VPS35L: variants seen among roughly 807,000 people sequenced by gnomAD.
VPS35L encodes the protein VPS35 endosomal protein-sorting factor-like.
VPS35L carries 83 observed loss-of-function variants against 133.0 expected under a neutral mutation model. That is an observed-to-expected ratio of 0.62 (90% CI 0.52 to 0.75). The LOEUF is 0.75. Ranked by LOEUF, VPS35L falls within the 30% of genes least tolerant of loss-of-function variation. The pLI is 0.00. For synonymous variants in VPS35L, 423 were observed against 449.9 expected (o/e 0.94, Z 0.76); for missense variants, 1,083 against 1,206.8 (o/e 0.90, Z 1.52).
At chr16:19,611,431 C>G (rs1021253649) in intron 12 of VPS35L, among the ~76,000 whole-genome samples, 2 of 152,194 alleles carry the variant, frequency 1.3e-5, no homozygotes, top group African/African-American at 4.8e-5. Flanking sequence ...ATCATTGCAC[C>G]TGATAAGCCC....
At chr16:19,634,833 T>C (rs984532177) in intron 19 of VPS35L, among the ~76,000 whole-genome samples, 1 of 152,070 alleles carries the variant, frequency 6.6e-6, no homozygotes, top group Non-Finnish European at 1.5e-5. Context: ...CAGGTATCAA[T>C]TGCAATGAGG....
chr16:19,666,884 C>CTTTCTTTCTT (rs1974684620), intron 26 of VPS35L, among the ~76,000 whole-genome samples: 1 of 109,734 alleles, frequency 9.1e-6, no homozygotes, highest in Non-Finnish European at 1.9e-5. Context: ...TTCTTTCTTT[C>CTTTCTTTCTT]TTTCTTTCTT....
chr16:19,644,848 T>C (rs1172550008), intron 22 of VPS35L, 38 bp from the exon 23 acceptor site: 2 of 1,440,916 alleles, frequency 1.4e-6, no homozygotes, highest in Admixed American at 1.8e-5. Context: ...CTTTCATCTA[T>C]TACCTCCGTG....
At position 19,699,653 on chromosome 16, in the gene VPS35L, G is replaced by A. The variant is rs1976043781; in HGVS notation, c.2793+5G>A. On this transcript the variant is annotated splice_donor_5th_base_variant and intron_variant, in intron 30 of 30. Transcript: ENST00000417362. This position sits in a 1 kb window ranked among gnomAD's most constrained non-coding sequence, Gnocchi z 4.2. ...TGTGCAGACACCAGGACCATGGTGA[G>A]GCGCTCGGAGGGCCCCGTGGTATAA... The A allele has an allele frequency of 1.9e-6, 3 of 1,612,818 alleles. No individual in the cohort carries two copies. The highest frequency in any genetic ancestry group is 2.5e-6 in the Non-Finnish European group (3 of 1,179,998).
At chr16:19,687,718 C>CA (rs879781341) in intron 28 of VPS35L, among the ~76,000 whole-genome samples, 60 of 141,176 alleles carry the variant, frequency 4.3e-4, no homozygotes, top group East Asian at 3.5e-3. Context: ...ATGGTTCAGC[C>CA]AAAAAAAAAA....
At chr16:19,623,888 C>T (rs1481278718) in intron 14 of VPS35L, among the ~76,000 whole-genome samples, 1 of 149,344 alleles carries the variant, frequency 6.7e-6, no homozygotes, top group Non-Finnish European at 1.5e-5. Flanking sequence ...ACTGCAGTCT[C>T]GACCTCCCAG....
chr16:19,698,924 G>A (rs1976011814), intron 29 of VPS35L, among the ~76,000 whole-genome samples: 1 of 152,180 alleles, frequency 6.6e-6, no homozygotes, highest in South Asian at 2.1e-4. Flanking sequence ...TGACACTGTG[G>A]TTAGACTTTT....
rs373050551 is a variant in VPS35L at position 19,616,198 on chromosome 16, G to T, written c.1101+7G>T. On this transcript the variant is annotated splice_region_variant and intron_variant, in intron 13 of 30. Transcript: ENST00000417362. ...CCTCCTTACGTTCAAACAGGTAAGAGAACACTATCAGAATAGCTCATCGAT... is the reference window on the plus strand; with the variant it reads ...CCTCCTTACGTTCAAACAGGTAAGATAACACTATCAGAATAGCTCATCGAT... 3 of 1,599,340 alleles carry T rather than the reference G, an allele frequency of 1.9e-6. No individual in the cohort carries two copies. The highest frequency in any genetic ancestry group is 1.7e-6 in the Non-Finnish European group (2 of 1,167,146).
At chr16:19,587,914 C>T (rs1406792689) in intron 7 of VPS35L, among the ~76,000 whole-genome samples, 1 of 150,476 alleles carries the variant, frequency 6.6e-6, no homozygotes, top group Admixed American at 6.6e-5. Context: ...ATTTTCATAC[C>T]TCAGCCTCCC....
intron 11 of VPS35L, 50 bp from the exon 12 acceptor site, chr16:19,610,272 A>T: frequency 1.4e-6 from 2 of 1,467,504 alleles, no homozygotes; most frequent in Non-Finnish European, 1.9e-6. Flanking sequence ...ATTAAAGAAC[A>T]GCGAGTTCTC....
rs369802069 is a variant in VPS35L at position 19,598,163 on chromosome 16, G to A, written c.725-3501G>A. ...TCTCCACCTGTAGAATGGGGCTATCGTAGACCCTGCCTCTAAGGGTTTCTG... is the reference window on the plus strand; with the variant it reads ...TCTCCACCTGTAGAATGGGGCTATCATAGACCCTGCCTCTAAGGGTTTCTG... On this transcript the variant is annotated intron_variant, in intron 8 of 30. Coordinates refer to ENST00000417362, the MANE Select transcript of VPS35L (RefSeq NM_020314.7). Among the ~76,000 whole-genome samples the A allele has an allele frequency of 2.6e-5, 4 of 152,290 alleles. 1 individual carries two copies. The East Asian group carries it at 5.8e-4, about 22-fold the overall frequency.
chr16:19,570,834 CATATATATATATATA>C (rs1429877442), intron 3 of VPS35L, among the ~76,000 whole-genome samples: 1 of 78,806 alleles, frequency 1.3e-5, no homozygotes, highest in African/African-American at 3.9e-5. Context: ...TGCTGTGTTT[CATATATATATATATA>C]TATATATATA....
intron 19 of VPS35L, among the ~76,000 whole-genome samples, chr16:19,637,296 T>C (rs968280908): frequency 6.6e-6 from 1 of 152,188 alleles, no homozygotes; most frequent in Non-Finnish European, 1.5e-5. Context: ...CTTACTGCTT[T>C]GATCTCCAAT....
Position 19,692,033 on chromosome 16 carries a change from C to A in VPS35L, c.2646+562C>A, listed in dbSNP as rs193252470. The stretch of plus-strand genomic sequence containing the variant: ...GGGATTACAGGTGCCCGCCACCACA[C>A]CTGGCTTATTTTTTGTATTTTTTTA... On this transcript the variant is annotated intron_variant, in intron 29 of 30. Transcript: ENST00000417362. Among the ~76,000 whole-genome samples, 6 of 152,266 alleles carry A rather than the reference C, an allele frequency of 3.9e-5. No individual in the cohort carries two copies. The East Asian group carries it at 1.2e-3, about 29-fold the overall frequency.
chr16:19,596,706 G>T (rs115925997), intron 8 of VPS35L, among the ~76,000 whole-genome samples: 1,916 of 152,196 alleles, frequency 0.013, 46 homozygotes, highest in African/African-American at 0.044. Context: ...TGTCTGTATA[G>T]TGGAGTACTA....
chr16:19,642,382 T>C lies in VPS35L; in HGVS notation c.1785-14T>C. The C allele has an allele frequency of 6.2e-7, 1 of 1,610,894 alleles. No homozygotes were observed. The highest frequency in any genetic ancestry group is 1.3e-5 in the African/African-American group (1 of 74,692). On this transcript the variant is annotated splice_polypyrimidine_tract_variant and intron_variant, in intron 21 of 30. Coordinates refer to ENST00000417362, the MANE Select transcript of VPS35L (RefSeq NM_020314.7). ...TGGACAAAACTTTGACTTTTATCTT[T>C]AAATGTCTCCTAGGCATCAACAAGA...
rs1976107726 is a variant in VPS35L, at chr16:19,700,845, T to C, written c.*369T>C. The C allele has an allele frequency of 4.9e-6, 1 of 203,820 alleles. No individual in the cohort carries two copies. Among genetic ancestry groups the C allele is most frequent in the Non-Finnish European group, 1.0e-5 (1 of 99,712 alleles). 12.6% of individuals were successfully genotyped at this position (203,820 alleles called of 1,614,324 possible). On this transcript the variant is annotated 3_prime_UTR_variant, in exon 31 of 31. Transcript: ENST00000417362. Reference sequence around the variant, plus strand: ...AGTTTAGAAATAAGGACTTTAAAAGTGGACTGCTTTTCAAAGTGCCACTGT... The same window carrying C: ...AGTTTAGAAATAAGGACTTTAAAAGCGGACTGCTTTTCAAAGTGCCACTGT...
chr16:19,576,461 A>C (rs1026301524), intron 5 of VPS35L, among the ~76,000 whole-genome samples: 5 of 152,222 alleles, frequency 3.3e-5, no homozygotes, highest in Non-Finnish European at 7.3e-5. Flanking sequence ...ACTGCCGTGT[A>C]GCAGGATTTC....
At chr16:19,581,140 A>G (rs1282893270) in intron 6 of VPS35L, among the ~76,000 whole-genome samples, 1 of 152,072 alleles carries the variant, frequency 6.6e-6, no homozygotes, top group African/African-American at 2.4e-5. Flanking sequence ...TTGTATCTCG[A>G]TCATCTAGTC....
Sources: gnomAD v4.1 joint callset for allele counts (sites outside exome capture counted in the v4.1 genomes callset) on GRCh38, gnomAD v4.1.1 for gene constraint, Gnocchi (gnomAD v3.1) non-coding constraint, MANE v1.5 for transcripts, NCBI Gene and HGNC (gene_info 2026-07-23, HGNC 2026-07-21) for gene names.